Variants in GGA3 observed in about 807,000 individuals in gnomAD.
GGA3 encodes golgi associated, gamma adaptin ear containing, ARF binding protein 3.
Under a neutral mutation model 77.5 loss-of-function variants are expected in GGA3, and 57 were observed. The ratio of observed to expected loss-of-function variants is 0.74; its 90% CI spans 0.59 to 0.92. The LOEUF is 0.92. GGA3 is among the 40% of genes least tolerant of loss of function. GGA3 has a pLI of 0.00. For synonymous variants in GGA3, 416 were observed against 383.7 expected, an observed-to-expected ratio of 1.08 and a Z score of -0.98; for missense variants, 970 against 914.9, an observed-to-expected ratio of 1.06 and a Z score of -0.78.
At chr17:75,250,966 A>T (rs1360137811) in intron 1 of GGA3, among the ~76,000 whole-genome samples, 1 of 150,260 alleles carries the variant, frequency 6.7e-6, no homozygotes, top group Non-Finnish European at 1.5e-5. Context: ...CTGTGATCCC[A>T]GCTACTCAGG....
In GGA3 at chr17:75,240,336, C is replaced by T. The variant is rs1392759472; in HGVS notation, c.1263+6G>A. 1 of 1,579,484 alleles carries T rather than the reference C, an allele frequency of 6.3e-7. No individual in the cohort carries two copies. On this transcript the variant is annotated splice_donor_region_variant and intron_variant, in intron 12 of 16. Transcript: ENST00000537686. Reference sequence around the variant, plus strand: ...AGTAGTGCTGTCACCGATCCTGTGCCCCTACCTGGAGCAGGTGCCACTGGC... The same window carrying T: ...AGTAGTGCTGTCACCGATCCTGTGCTCCTACCTGGAGCAGGTGCCACTGGC...
intron 1 of GGA3, among the ~76,000 whole-genome samples, chr17:75,257,136 C>T (rs569435157): frequency 6.6e-6 from 1 of 152,174 alleles, no homozygotes; most frequent in African/African-American, 2.4e-5. Flanking sequence ...AAGGACTGGA[C>T]AATACTTTTA....
At position 75,238,380 on chromosome 17, in the gene GGA3, G is replaced by A. The variant is rs755471177; in HGVS notation, c.2071C>T (p.Arg691Trp). ...GCGAAGGTCAGCTTATACCGAAGCC[G>A]CACCTTCTCCTGTGACAGAGGGCAG... ...LLANPLKEKVRLRYKLTFALG... is the reference protein window; with the variant it reads ...LLANPLKEKVWLRYKLTFALG... The change falls in exon 17 of 17, where the codon CGG (arginine) becomes TGG (tryptophan). Residue 691 changes from arginine (R) to tryptophan (W), a missense_variant. Transcript: ENST00000537686. 32 of 1,613,148 alleles carry A rather than the reference G, an allele frequency of 2.0e-5. No homozygotes were observed. The highest frequency in any genetic ancestry group is 1.8e-4 in the Admixed American group (11 of 59,966).
chr17:75,240,250 G>T, intron 12 of GGA3, 92 bp downstream of exon 12: 1 of 1,158,346 alleles, frequency 8.6e-7, no homozygotes, highest in East Asian at 2.5e-5. Context: ...ACGCTCTGGA[G>T]GGAAGGACAG....
At chr17:75,251,307 C>A (rs1428731387) in intron 1 of GGA3, among the ~76,000 whole-genome samples, 6 of 150,002 alleles carry the variant, frequency 4.0e-5, no homozygotes, top group African/African-American at 1.5e-4. Context: ...ATTTTACCCT[C>A]AAGGAGGCTG....
In GGA3 at chr17:75,241,438, TTGA is replaced by T; in HGVS notation, c.905_907del (p.Ile302del). 1 of 1,613,920 alleles carries T rather than the reference TTGA, an allele frequency of 6.2e-7. No individual in the cohort carries two copies. Among genetic ancestry groups the T allele is most frequent in the East Asian group, 2.2e-5 (1 of 44,884 alleles). ...CAGGGTTAAGGTAGCCACCTCGCCA[TTGA>T]TGACCTGCCCTTCAATAATTGTTTT... On this transcript the variant is annotated inframe_deletion, in exon 10 of 17. Coordinates refer to ENST00000537686, the MANE Select transcript of GGA3 (RefSeq NM_138619.4).
upstream of GGA3, chr17:75,261,639 C>G: frequency 1.3e-6 from 2 of 1,482,220 alleles, no homozygotes; most frequent in Non-Finnish European, 1.8e-6. Flanking sequence ...TCTGCACGAG[C>G]TGAGACGGGG....
chr17:75,240,653 G>A, intron 11 of GGA3, 159 bp downstream of exon 11: 1 of 829,616 alleles, frequency 1.2e-6, no homozygotes, highest in Non-Finnish European at 1.8e-6. Context: ...TGGCCCTGGG[G>A]CCCTCAGGGT....
At chr17:75,246,616 C>T in intron 2 of GGA3, 32 bp from the exon 3 acceptor site, 1 of 1,602,098 alleles carries the variant, frequency 6.2e-7, no homozygotes, top group South Asian at 1.1e-5. Context: ...CTCCAGTGCA[C>T]TAAGCCTGGG....
chr17:75,242,304 C>G (rs377256047), intron 8 of GGA3, 32 bp downstream of exon 8: 2 of 1,613,168 alleles, frequency 1.2e-6, no homozygotes, highest in South Asian at 1.1e-5. Context: ...AGCGCAGCCC[C>G]GGGAGGCAGC....
rs148890602 is a variant in GGA3, at chr17:75,245,172, G to T, written c.202-455C>A. Among the ~76,000 whole-genome samples, 64 of 152,306 alleles carry T rather than the reference G, an allele frequency of 4.2e-4. 2 individuals carry two copies. In the East Asian group the frequency reaches 0.01, roughly 25 times the overall value. On this transcript the variant is annotated intron_variant, in intron 3 of 16. Coordinates refer to ENST00000537686, the MANE Select transcript of GGA3 (RefSeq NM_138619.4). ...CTATTATCTGTGAGAAAGATGACAG[G>T]ATATTTCTCCTCCCTCCGCTTATCT...
At chr17:75,238,613 G>C in intron 16 of GGA3, 39 bp downstream of exon 16, 1 of 1,417,680 alleles carries the variant, frequency 7.1e-7, no homozygotes. Flanking sequence ...GGGGCAGCTG[G>C]GGCCTCAGGC....
chr17:75,238,568 C>G (rs531733207), intron 16 of GGA3, 84 bp downstream of exon 16: 1 of 1,062,260 alleles, frequency 9.4e-7, no homozygotes, highest in Non-Finnish European at 1.4e-6. Flanking sequence ...CAAAACACTT[C>G]CAGCTGGGAG....
rs1449910511 is a variant in GGA3 at position 75,236,632 on chromosome 17, A to C, written c.*1647T>G. On this transcript the variant is annotated 3_prime_UTR_variant, in exon 17 of 17. Coordinates refer to ENST00000537686, the MANE Select transcript of GGA3 (RefSeq NM_138619.4). ...AAATGGTTTTATTTAACATGCAGCA[A>C]AACAAGGGCAGCAGAGCTGGGATAT... The C allele has an allele frequency of 6.6e-6, 1 of 152,670 alleles. No individual in the cohort carries two copies. The highest frequency in any genetic ancestry group is 2.4e-5 in the African/African-American group (1 of 41,452). 9.5% of individuals were successfully genotyped at this position (152,670 alleles called of 1,614,324 possible).
At chr17:75,250,366 T>A (rs953164788) in intron 1 of GGA3, among the ~76,000 whole-genome samples, 2 of 152,196 alleles carry the variant, frequency 1.3e-5, no homozygotes, top group African/African-American at 4.8e-5. Flanking sequence ...CTTCACTCCA[T>A]CGCTAGCCTA....
At position 75,240,798 on chromosome 17, in the gene GGA3, CCT is replaced by C. The variant is rs759461978; in HGVS notation, c.1192+12_1192+13del. ...CTGTCAGGGGATGCCCCTGACGCCC[CCT>C]GTGGGCCGCACCCAAGCAGAGTAGC... On this transcript the variant is annotated intron_variant, in intron 11 of 16. Coordinates refer to ENST00000537686, the MANE Select transcript of GGA3 (RefSeq NM_138619.4). 102 of 1,601,060 alleles carry C rather than the reference CCT, an allele frequency of 6.4e-5. No individual in the cohort carries two copies. The highest frequency in any genetic ancestry group is 1.9e-4 in the Admixed American group (11 of 58,800).
chr17:75,237,143 G>A lies in GGA3; in HGVS notation c.*1136C>T. The A allele has an allele frequency of 2.6e-6, 1 of 384,494 alleles. No individual in the cohort carries two copies. Among genetic ancestry groups the A allele is most frequent in the East Asian group, 4.5e-5 (1 of 22,296 alleles). The allele number at this position is 384,494 out of a possible 1,614,324, so 23.8% of individuals were successfully genotyped here. On this transcript the variant is annotated 3_prime_UTR_variant, in exon 17 of 17. Transcript: ENST00000537686. The stretch of plus-strand genomic sequence containing the variant: ...ATCACATCCAGCAGCTAGAGTGGCT[G>A]GGACAAGCTGGCGGGGGCCAAGCAC...
chr17:75,257,212 C>T (rs2077179629), intron 1 of GGA3, among the ~76,000 whole-genome samples: 1 of 151,808 alleles, frequency 6.6e-6, no homozygotes, highest in Admixed American at 6.6e-5. Context: ...CATTTAAGCT[C>T]CTGTATAGAT....
At chr17:75,248,493 A>AAAAAAAAAAAAAAC (rs2076836570) in intron 1 of GGA3, among the ~76,000 whole-genome samples, 5 of 130,974 alleles carry the variant, frequency 3.8e-5, no homozygotes, top group Admixed American at 7.8e-5. Flanking sequence ...AAAAAAAAAA[A>AAAAAAAAAAAAAAC]ATCACCAGCT....
Sources: allele counts gnomAD v4.1 joint callset (sites outside exome capture counted in the v4.1 genomes callset), GRCh38; gene constraint gnomAD v4.1.1; transcripts MANE v1.5; gene names NCBI Gene and HGNC (gene_info 2026-07-23, HGNC 2026-07-21).